The following TBX5 variants were observed in gnomAD, a reference collection of about 807,000 sequenced individuals.
The protein encoded by TBX5 is T-box transcription factor 5.
In TBX5, 8 loss-of-function variants were observed where a neutral mutation model predicts 51.1. The ratio of observed to expected loss-of-function variants is 0.16; its 90% CI spans 0.09 to 0.28. The LOEUF (loss-of-function observed/expected upper bound fraction) is 0.28. Among genes scored for constraint, TBX5 ranks in the 10% least tolerant of loss-of-function variants. The probability of loss-of-function intolerance (pLI) is 1.00; values close to 1 mark genes in which losing one functional copy is unlikely to be tolerated. For synonymous variants in TBX5, 302 were observed against 266.4 expected (o/e 1.13, Z -1.30); for missense variants, 589 against 671.7 (o/e 0.88, Z 1.36).
intron 8 of TBX5, among the ~76,000 whole-genome samples, chr12:114,365,880 T>C (rs1411415112): frequency 6.6e-6 from 1 of 151,800 alleles, no homozygotes; most frequent in Non-Finnish European, 1.5e-5. Flanking sequence ...TAGTTCTTTC[T>C]CTGCACTCGC....
Position 114,405,787 on chromosome 12 carries a change from C to T in TBX5, c.-198G>A, listed in dbSNP as rs996836272. 3 of 985,452 alleles carry T rather than the reference C, an allele frequency of 3.0e-6. No individual in the cohort carries two copies. The highest frequency in any genetic ancestry group is 3.6e-6 in the Non-Finnish European group (3 of 830,062). The allele number at this position is 985,452 out of a possible 1,614,324, so 61.0% of individuals were successfully genotyped here. A position where few individuals can be genotyped will look rare whatever the true frequency, so the allele number is the denominator to read the frequency against. On this transcript the variant is annotated 5_prime_UTR_variant, in exon 1 of 9. Coordinates refer to ENST00000405440, the MANE Select transcript of TBX5 (RefSeq NM_181486.4). The stretch of plus-strand genomic sequence containing the variant: ...CTGCTGCCTACTAGGGCGCACCTAC[C>T]GCTGGAGCCTCCGCGGCGACTGCCC...
At chr12:114,385,630 G>A in intron 6 of TBX5, 63 bp from the exon 7 acceptor site, 1 of 1,312,148 alleles carries the variant, frequency 7.6e-7, no homozygotes, top group Non-Finnish European at 1.1e-6. Flanking sequence ...ACCACCTCAG[G>A]ACATGAGCTA....
intron 3 of TBX5, among the ~76,000 whole-genome samples, chr12:114,400,663 A>G (rs1256303504): frequency 6.6e-6 from 1 of 152,182 alleles, no homozygotes; most frequent in African/African-American, 2.4e-5. Flanking sequence ...AAGACTTCGC[A>G]GGCCTTTTAT....
Position 114,405,957 on chromosome 12 carries a change from G to C in TBX5, c.-368C>G. On this transcript the variant is annotated 5_prime_UTR_variant, in exon 1 of 9. Coordinates refer to ENST00000405440, the MANE Select transcript of TBX5 (RefSeq NM_181486.4). Reference sequence around the variant, plus strand: ...CCCGCTCCTCCTTTACACCCCCAGGGAGGGAAAGTTGGAAGCCCAGTGAAT... The same window carrying C: ...CCCGCTCCTCCTTTACACCCCCAGGCAGGGAAAGTTGGAAGCCCAGTGAAT... 1 of 985,382 alleles carries C rather than the reference G, an allele frequency of 1.0e-6. No homozygotes were observed. The highest frequency in any genetic ancestry group is 1.2e-6 in the Non-Finnish European group (1 of 829,966). 61.0% of individuals were successfully genotyped at this position (985,382 alleles called of 1,614,324 possible). A position where few individuals can be genotyped will look rare whatever the true frequency, so the allele number is the denominator to read the frequency against.
chr12:114,380,711 T>C (rs1284141108), intron 7 of TBX5, among the ~76,000 whole-genome samples: 1 of 152,170 alleles, frequency 6.6e-6, no homozygotes, highest in East Asian at 1.9e-4. Context: ...GCACCTGTAG[T>C]CCAGCTACTT....
chr12:114,401,578 G>A (rs975716388), intron 3 of TBX5, among the ~76,000 whole-genome samples: 2 of 152,166 alleles, frequency 1.3e-5, no homozygotes, highest in Non-Finnish European at 2.9e-5. Flanking sequence ...GAAATGCCCA[G>A]TTTCCGGGCT....
At chr12:114,374,442 G>T (rs1196674893) in intron 7 of TBX5, among the ~76,000 whole-genome samples, 2 of 152,338 alleles carry the variant, frequency 1.3e-5, no homozygotes, top group African/African-American at 2.4e-5. Context: ...CTGGGGAACA[G>T]CATGGACACT....
At chr12:114,363,176 A>T (rs1025280948) in intron 8 of TBX5, among the ~76,000 whole-genome samples, 1 of 152,202 alleles carries the variant, frequency 6.6e-6, no homozygotes, top group African/African-American at 2.4e-5. Flanking sequence ...CATTTTGCAC[A>T]AAAGATAGTT....
At chr12:114,389,804 C>A (rs376106522) in intron 6 of TBX5, among the ~76,000 whole-genome samples, 12 of 138,530 alleles carry the variant, frequency 8.7e-5, no homozygotes, top group South Asian at 2.4e-4. Flanking sequence ...ATGAAGGACA[C>A]CTTTTCCTCC....
Position 114,381,560 on chromosome 12 carries a change from A to G in TBX5, c.755+3916T>C, listed in dbSNP as rs564139703. ...TACTGAACATATAGACTAGGAATCA[A>G]GCACTCTATAGGCATTTGCTCATAT... On this transcript the variant is annotated intron_variant, in intron 7 of 8. Coordinates refer to ENST00000405440, the MANE Select transcript of TBX5 (RefSeq NM_181486.4). Among the ~76,000 whole-genome samples, 61 of 152,340 alleles carry G rather than the reference A, an allele frequency of 4.0e-4. No individual in the cohort carries two copies. The East Asian group carries it at 8.9e-3, about 22-fold the overall frequency.
At chr12:114,403,296 G>GGAGGAGGCGA (rs1349525645) in intron 2 of TBX5, among the ~76,000 whole-genome samples, 3 of 152,250 alleles carry the variant, frequency 2.0e-5, no homozygotes, top group South Asian at 4.1e-4. Context: ...GGAGGAGGCG[G>GGAGGAGGCGA]GAGGAGGCGA....
intron 7 of TBX5, among the ~76,000 whole-genome samples, chr12:114,380,850 T>TTA (rs148199647): frequency 6.6e-6 from 1 of 150,464 alleles, no homozygotes; most frequent in Non-Finnish European, 1.5e-5. Context: ...TAGTTTTTAT[T>TTA]AAAAAAAAAA....
Position 114,354,392 on chromosome 12 carries a change from T to A in TBX5, c.*1140A>T, listed in dbSNP as rs1386183456. On this transcript the variant is annotated 3_prime_UTR_variant, in exon 9 of 9. Coordinates refer to ENST00000405440, the MANE Select transcript of TBX5 (RefSeq NM_181486.4). ...TAACACTTTACTTACACACTTTTTT[T>A]AATACTGTTTTCGGCTTTCAGTAAA... is the stretch of plus-strand genomic sequence containing the variant. 2 of 152,172 alleles carry A rather than the reference T, an allele frequency of 1.3e-5. No homozygotes were observed. The highest frequency in any genetic ancestry group is 2.1e-4 in the South Asian group (1 of 4,824). 9.4% of individuals were successfully genotyped at this position (152,172 alleles called of 1,614,324 possible).
chr12:114,406,012 A>G lies in TBX5; in HGVS notation c.-423T>C. 1.0e-6 allele frequency: 1 copy of G among 985,314 alleles called. No individual in the cohort carries two copies. The highest frequency in any genetic ancestry group is 1.2e-6 in the Non-Finnish European group (1 of 829,930). 61.0% of individuals were successfully genotyped at this position (985,314 alleles called of 1,614,324 possible). A position where few individuals can be genotyped will look rare whatever the true frequency, so the allele number is the denominator to read the frequency against. The stretch of plus-strand genomic sequence containing the variant: ...GAAGTCCTTTCTGAGCGCAGCTTTC[A>G]GGATTAAAGTTCCCGGATTCGAGGT... On this transcript the variant is annotated 5_prime_UTR_variant, in exon 1 of 9. Transcript: ENST00000405440.
chr12:114,364,952 A>G (rs1028456371), intron 8 of TBX5, among the ~76,000 whole-genome samples: 2 of 152,096 alleles, frequency 1.3e-5, no homozygotes, highest in African/African-American at 4.8e-5. Flanking sequence ...CAATGGTTCT[A>G]TCGAGCTGAA....
chr12:114,377,994 G>A (rs2136388874), intron 7 of TBX5, among the ~76,000 whole-genome samples: 1 of 152,124 alleles, frequency 6.6e-6, no homozygotes, highest in Non-Finnish European at 1.5e-5. Flanking sequence ...CCACTCTCTG[G>A]TTGGGTGGCT....
At chr12:114,392,373 AGTT>A (rs1309431537) in intron 6 of TBX5, among the ~76,000 whole-genome samples, 1 of 152,150 alleles carries the variant, frequency 6.6e-6, no homozygotes, top group African/African-American at 2.4e-5. Context: ...AAGCTTATCT[AGTT>A]GTCTGTTTCA....
intron 2 of TBX5, among the ~76,000 whole-genome samples, chr12:114,402,836 T>G (rs1385972087): frequency 1.3e-5 from 2 of 151,876 alleles, no homozygotes; most frequent in Non-Finnish European, 2.9e-5. Flanking sequence ...AATCCCTAAG[T>G]TTCCTAAACT....
rs1255070392 is a variant in TBX5, at chr12:114,403,768, G to A, written c.131C>T (p.Ala44Val). 1.2e-6 allele frequency: 2 copies of A among 1,613,772 alleles called. No homozygotes were observed. The highest frequency in any genetic ancestry group is 1.1e-5 in the South Asian group (1 of 91,066). Reference sequence around the variant, plus strand: ...TCTCCTTACCTGCTGGGTGAAGGCGGCCTGCGGGGACGACGGGGACTTGCT... The same window carrying A: ...TCTCCTTACCTGCTGGGTGAAGGCGACCTGCGGGGACGACGGGGACTTGCT... Reference protein sequence around the residue: ...APSKSPSSPQAAFTQQGMEGI... With the variant: ...APSKSPSSPQVAFTQQGMEGI... Residue 44 changes from alanine (A) to valine (V), a missense_variant, in exon 2 of 9, where the codon GCC (alanine) becomes GTC (valine). Physicochemically the swap from Ala to Val is moderately conservative, Grantham distance 64. Around this residue, in one of 7 missense-constraint regions of TBX5, gnomAD observed 101 missense variants for 83.3 expected, o/e 1.21. Coordinates refer to ENST00000405440, the MANE Select transcript of TBX5 (RefSeq NM_181486.4).
Sources: allele counts gnomAD v4.1 joint callset (sites outside exome capture counted in the v4.1 genomes callset), GRCh38; gene constraint gnomAD v4.1.1; regional missense constraint gnomAD v4.1.1; transcripts MANE v1.5; gene names NCBI Gene and HGNC (gene_info 2026-07-23, HGNC 2026-07-21).